The following PIGR variants were observed in gnomAD, a reference collection of about 807,000 sequenced individuals.
PIGR encodes the protein hepatocellular carcinoma associated protein TB6.
Under a neutral mutation model 69.5 loss-of-function variants are expected in PIGR, and 22 were observed. The observed-to-expected ratio is 0.32, with a 90% CI of 0.23 to 0.45. The LOEUF is 0.45. PIGR is among the 20% of genes least tolerant of loss of function. The pLI is 1.00. For synonymous variants in PIGR, 413 were observed against 407.6 expected, an observed-to-expected ratio of 1.01 and a Z score of -0.16; for missense variants, 885 against 974.0, an observed-to-expected ratio of 0.91 and a Z score of 1.22.
rs565202769 is a variant in PIGR, at chr1:206,928,877, A to C, written c.*1441T>G. The stretch of plus-strand genomic sequence containing the variant: ...CAGAGGGGCAGGGGCTCTTGTAGAG[A>C]GATCCCTGGCCCAGGACAGGAGATG... On this transcript the variant is annotated 3_prime_UTR_variant, in exon 11 of 11. Coordinates refer to ENST00000356495, the MANE Select transcript of PIGR (RefSeq NM_002644.4). The C allele has an allele frequency of 3.3e-5, 5 of 152,676 alleles. No individual in the cohort carries two copies. The highest frequency in any genetic ancestry group is 7.4e-5 in the Non-Finnish European group (5 of 68,014). The allele number at this position is 152,676 out of a possible 1,614,324, so 9.5% of individuals were successfully genotyped here.
intron 1 of PIGR, among the ~76,000 whole-genome samples, chr1:206,945,979 G>A (rs775729322): frequency 6.6e-6 from 1 of 152,222 alleles, no homozygotes; most frequent in Non-Finnish European, 1.5e-5. Flanking sequence ...GATCAGAGAG[G>A]TTAGGTGGCT....
At chr1:206,933,854 T>G (rs1364065673) in intron 6 of PIGR, among the ~76,000 whole-genome samples, 1 of 151,434 alleles carries the variant, frequency 6.6e-6, no homozygotes, top group African/African-American at 2.4e-5. Context: ...TGGGTTGAAG[T>G]GGCAACTATG....
intron 9 of PIGR, 31 bp from the exon 10 acceptor site, chr1:206,931,586 T>C (rs1178414654): frequency 6.2e-7 from 1 of 1,613,574 alleles, no homozygotes; most frequent in East Asian, 2.2e-5. Context: ...GGTTAGCCCT[T>C]ACTAGCCTCC....
Position 206,935,841 on chromosome 1 carries a change from G to A in PIGR, c.1046-23C>T. Reference sequence around the variant, plus strand: ...ACTCTGGAAGCACAGACAGAGATGGGATGGGAGGATGGCCACGCAGGAAGA... The same window carrying A: ...ACTCTGGAAGCACAGACAGAGATGGAATGGGAGGATGGCCACGCAGGAAGA... On this transcript the variant is annotated intron_variant, in intron 4 of 10. Transcript: ENST00000356495. This position sits in a 1 kb window ranked among gnomAD's most constrained non-coding sequence, Gnocchi z 4.4. 2 of 1,548,348 alleles carry A rather than the reference G, an allele frequency of 1.3e-6. No individual in the cohort carries two copies. Among genetic ancestry groups the A allele is most frequent in the Non-Finnish European group, 1.8e-6 (2 of 1,138,372 alleles).
At position 206,929,989 on chromosome 1, in the gene PIGR, G is replaced by A. The variant is rs148867349; in HGVS notation, c.*329C>T. On this transcript the variant is annotated 3_prime_UTR_variant, in exon 11 of 11. Transcript: ENST00000356495. ...ATAAGGGTGCAGAGGGGCGCTGCAC[G>A]TCTCTCCTTTCTGCAATCAGCTCTC... 2.8e-3 allele frequency: 769 copies of A among 270,582 alleles called. 6 individuals carry two copies. Among genetic ancestry groups the A allele is most frequent in the African/African-American group, 0.016 (712 of 45,668 alleles). 16.8% of individuals were successfully genotyped at this position (270,582 alleles called of 1,614,324 possible).
chr1:206,941,973 C>T (rs971587628), intron 1 of PIGR, among the ~76,000 whole-genome samples: 2 of 152,226 alleles, frequency 1.3e-5, no homozygotes, highest in Non-Finnish European at 2.9e-5. Flanking sequence ...TCCCTCACCA[C>T]CCTGGCCCCT....
intron 1 of PIGR, among the ~76,000 whole-genome samples, chr1:206,941,992 T>C (rs748469027): frequency 6.6e-5 from 10 of 152,190 alleles, no homozygotes; most frequent in Non-Finnish European, 8.8e-5. Flanking sequence ...CTGCTCCTGC[T>C]CCCAGACTCC....
At chr1:206,938,716 G>A (rs145473244) in intron 3 of PIGR, among the ~76,000 whole-genome samples, 9 of 151,960 alleles carry the variant, frequency 5.9e-5, no homozygotes, top group Non-Finnish European at 1.3e-4. Flanking sequence ...GCCTTTTGGC[G>A]GCCCAAACCT....
intron 2 of PIGR, 77 bp downstream of exon 2, chr1:206,940,412 G>C: frequency 7.3e-7 from 1 of 1,363,236 alleles, no homozygotes. Context: ...TGATTTTAGT[G>C]TCCCCAGGGA....
In PIGR at chr1:206,937,552, C is replaced by T. The variant is rs141346783; in HGVS notation, c.588G>A (p.Gln196=). The part of the protein sequence containing the change: ...NYTGRIRLDI[Q]GTGQLLFSVV... ...CGCTGAACAGTAACTGGCCAGTACC[C>T]TGAATATCAAGGCGTATTCTTCCTG... is the stretch of plus-strand genomic sequence containing the variant. Residue 196 remains glutamine, a synonymous_variant, in exon 4 of 11, where the codon CAG becomes CAA. Coordinates refer to ENST00000356495, the MANE Select transcript of PIGR (RefSeq NM_002644.4). 210 of 1,614,106 alleles carry T rather than the reference C, an allele frequency of 1.3e-4. No homozygotes were observed. The highest frequency in any genetic ancestry group is 1.6e-4 in the Middle Eastern group (1 of 6,084).
Position 206,930,798 on chromosome 1 carries a change from A to C in PIGR, c.2200-385T>G, listed in dbSNP as rs1679724255. ...GACAGGTAGCTTTTTGGCACCACAA[A>C]GTTAAAGGGGAAGGCTGTCCCAGGA... On this transcript the variant is annotated intron_variant, in intron 10 of 10. Coordinates refer to ENST00000356495, the MANE Select transcript of PIGR (RefSeq NM_002644.4). The surrounding 1 kb of genome is among the most constrained non-coding windows in gnomAD (Gnocchi z 4.3). 1.0e-6 allele frequency: 1 copy of C among 985,310 alleles called. No individual in the cohort carries two copies. Among genetic ancestry groups the C allele is most frequent in the African/African-American group, 1.7e-5 (1 of 57,234 alleles). The allele number at this position is 985,310 out of a possible 1,614,324, so 61.0% of individuals were successfully genotyped here.
At position 206,939,225 on chromosome 1, in the gene PIGR, C is replaced by CA; in HGVS notation, c.281dup (p.Val95GlyfsTer10). 1 of 1,614,218 alleles carries CA rather than the reference C, an allele frequency of 6.2e-7. No homozygotes were observed. Among genetic ancestry groups the CA allele is most frequent in the South Asian group, 1.1e-5 (1 of 91,082 alleles). ...CCTGGCTCAGCTGGGCAATGTTCAC[C>CA]ACAAATGTGCCGTTCTCCGGGAAGT... On this transcript the variant is annotated frameshift_variant, in exon 3 of 11. Transcript: ENST00000356495. LOFTEE classifies it high-confidence loss of function.
chr1:206,930,281 G>T lies in PIGR; in HGVS notation c.*37C>A. The T allele has an allele frequency of 6.4e-7, 1 of 1,561,050 alleles. No homozygotes were observed. Among genetic ancestry groups the T allele is most frequent in the Non-Finnish European group, 8.7e-7 (1 of 1,145,938 alleles). On this transcript the variant is annotated 3_prime_UTR_variant, in exon 11 of 11. Transcript: ENST00000356495. The surrounding 1 kb of genome is among the most constrained non-coding windows in gnomAD (Gnocchi z 4.3). ...CCAGGATCGACATGATTCTGAAGGTGATTGTCATGGGTGCAGGGAGCAGGC... is the reference window on the plus strand; with the variant it reads ...CCAGGATCGACATGATTCTGAAGGTTATTGTCATGGGTGCAGGGAGCAGGC...
Position 206,940,549 on chromosome 1 carries a change from C to T in PIGR, c.-18G>A, listed in dbSNP as rs755743203. The T allele has an allele frequency of 3.1e-5, 48 of 1,549,810 alleles. No individual in the cohort carries two copies. The highest frequency in any genetic ancestry group is 3.6e-5 in the Non-Finnish European group (41 of 1,146,248). ...AGCAGCATTGCTGGTGGGTCCCGAG[C>T]GCCGCACCACTCAGGCCGACTTCTC... On this transcript the variant is annotated 5_prime_UTR_variant, in exon 2 of 11. Transcript: ENST00000356495.
At chr1:206,943,259 A>G (rs374510929) in intron 1 of PIGR, among the ~76,000 whole-genome samples, 35 of 152,326 alleles carry the variant, frequency 2.3e-4, no homozygotes, top group African/African-American at 7.9e-4. Context: ...CTCATGACAC[A>G]GGTTGGAAAT....
At chr1:206,931,892 T>A (rs970841249) in intron 8 of PIGR, 90 bp from the exon 9 acceptor site, 1 of 1,443,812 alleles carries the variant, frequency 6.9e-7, no homozygotes, top group Non-Finnish European at 9.7e-7. Flanking sequence ...GGATCCACTG[T>A]AGCCCTGCAG....
intron 1 of PIGR, among the ~76,000 whole-genome samples, chr1:206,941,572 A>G (rs1223211987): frequency 6.6e-6 from 1 of 152,270 alleles, no homozygotes; most frequent in African/African-American, 2.4e-5. Flanking sequence ...TTTCCCAGCA[A>G]CTTGGTTATG....
chr1:206,945,005 T>C (rs1235907069), intron 1 of PIGR, among the ~76,000 whole-genome samples: 2 of 152,174 alleles, frequency 1.3e-5, no homozygotes, highest in South Asian at 2.1e-4. Context: ...GTTTACTAAA[T>C]GGAAGCCTGT....
At chr1:206,934,885 G>A (rs1427827916) in intron 5 of PIGR, 139 bp from the exon 6 acceptor site, 1 of 532,516 alleles carries the variant, frequency 1.9e-6, no homozygotes, top group African/African-American at 1.9e-5. Context: ...TTGAGACAAG[G>A]TCTCTCTCTG....
Sources: gnomAD v4.1 joint callset for allele counts (sites outside exome capture counted in the v4.1 genomes callset) on GRCh38, gnomAD v4.1.1 for gene constraint, Gnocchi (gnomAD v3.1) non-coding constraint, MANE v1.5 for transcripts, NCBI Gene and HGNC (gene_info 2026-07-23, HGNC 2026-07-21) for gene names.